PRICKLE1: variants seen among roughly 807,000 people sequenced by gnomAD.
PRICKLE1 encodes the protein prickle planar cell polarity protein 1, also known as prickle-like protein 1.
A neutral mutation model predicts 70.2 loss-of-function variants in PRICKLE1; 14 were observed. The observed-to-expected ratio is 0.20, with a 90% CI of 0.13 to 0.31. PRICKLE1 has a LOEUF of 0.31. Among genes scored for constraint, PRICKLE1 ranks in the 10% least tolerant of loss-of-function variants. The pLI is 1.00. For synonymous variants in PRICKLE1, 357 were observed against 379.9 expected (o/e 0.94, Z 0.70); for missense variants, 821 against 1,026.2 (o/e 0.80, Z 2.73).
intron 1 of PRICKLE1, among the ~76,000 whole-genome samples, chr12:42,494,180 A>G (rs1462546893): frequency 2.0e-5 from 3 of 152,200 alleles, no homozygotes; most frequent in African/African-American, 7.2e-5. Context: ...GGAGCCACCA[A>G]TGTTGGTGGC....
intron 1 of PRICKLE1, among the ~76,000 whole-genome samples, chr12:42,519,088 T>A (rs955987683): frequency 6.6e-6 from 1 of 151,988 alleles, no homozygotes; most frequent in Non-Finnish European, 1.5e-5. Flanking sequence ...CCATCTGTAA[T>A]GCTGAAAAAT....
In PRICKLE1 at chr12:42,467,068, G is replaced by C. The variant is rs1938122846; in HGVS notation, c.589-688C>G. Among the ~76,000 whole-genome samples the C allele has an allele frequency of 2.0e-5, 3 of 152,060 alleles. No homozygotes were observed. The South Asian group carries it at 6.2e-4, about 32-fold the overall frequency. ...AATTTGAAAAACATTTTGGGACAGA[G>C]ACGGGGTCTCACCATGGGGTCTAGT... On this transcript the variant is annotated intron_variant, in intron 5 of 7. Transcript: ENST00000345127.
intron 1 of PRICKLE1, among the ~76,000 whole-genome samples, chr12:42,503,121 C>T (rs1266839449): frequency 6.6e-6 from 1 of 152,174 alleles, no homozygotes. Context: ...ATATTTTCAC[C>T]TAGGCCAAAG....
chr12:42,477,739 C>G (rs1038953147), intron 1 of PRICKLE1, among the ~76,000 whole-genome samples: 4 of 151,762 alleles, frequency 2.6e-5, no homozygotes, highest in Middle Eastern at 3.4e-3. Context: ...GTAAATCAGA[C>G]CTAATAGAAA....
intron 1 of PRICKLE1, among the ~76,000 whole-genome samples, chr12:42,548,352 G>GA (rs1327892417): frequency 6.6e-6 from 1 of 152,210 alleles, no homozygotes; most frequent in East Asian, 1.9e-4. Flanking sequence ...ATATGCAGTA[G>GA]AAAAAACCAT....
chr12:42,545,582 C>T (rs1446204612), intron 1 of PRICKLE1, among the ~76,000 whole-genome samples: 2 of 152,202 alleles, frequency 1.3e-5, no homozygotes, highest in Admixed American at 6.5e-5. Context: ...GGTGCGGTGG[C>T]TCACGCCTGT....
intron 1 of PRICKLE1, among the ~76,000 whole-genome samples, chr12:42,515,819 T>A (rs547832639): frequency 1.3e-5 from 2 of 152,320 alleles, no homozygotes; most frequent in South Asian, 4.1e-4. Flanking sequence ...CTACCTTTTA[T>A]GTTCCAGTAT....
At chr12:42,467,829 T>C (rs1482393209) in intron 5 of PRICKLE1, among the ~76,000 whole-genome samples, 1 of 152,132 alleles carries the variant, frequency 6.6e-6, no homozygotes, top group East Asian at 1.9e-4. Context: ...TAAATGAATG[T>C]ATAAAAATAA....
chr12:42,527,916 A>T (rs1220951685), intron 1 of PRICKLE1, among the ~76,000 whole-genome samples: 4 of 20,166 alleles, frequency 2.0e-4, no homozygotes, highest in Admixed American at 7.3e-4. Flanking sequence ...TACTCTTTAT[A>T]ATATATATAT....
At chr12:42,476,243 C>A (rs879526054) in intron 1 of PRICKLE1, among the ~76,000 whole-genome samples, 5 of 150,704 alleles carry the variant, frequency 3.3e-5, no homozygotes, top group Non-Finnish European at 7.4e-5. Context: ...AATGCAATGG[C>A]GCCATCTTGG....
At chr12:42,485,701 C>T (rs955415849) in intron 1 of PRICKLE1, among the ~76,000 whole-genome samples, 1 of 152,090 alleles carries the variant, frequency 6.6e-6, no homozygotes, top group Non-Finnish European at 1.5e-5. Context: ...CCAGGCAGAC[C>T]CTTTTTGGAA....
chr12:42,579,596 A>T (rs61641604), intron 1 of PRICKLE1, among the ~76,000 whole-genome samples: 7 of 152,230 alleles, frequency 4.6e-5, no homozygotes, highest in Non-Finnish European at 7.3e-5. Context: ...AGAATTTTCC[A>T]TTCTGAGACC....
At chr12:42,508,932 G>A (rs1239582283) in intron 1 of PRICKLE1, among the ~76,000 whole-genome samples, 1 of 152,144 alleles carries the variant, frequency 6.6e-6, no homozygotes, top group Admixed American at 6.5e-5. Flanking sequence ...ATAATTCTCT[G>A]ATTCCTTCAG....
chr12:42,464,159 G>C lies in PRICKLE1; in HGVS notation c.1639+236C>G, dbSNP rs1593105097. ...TTCTCTTGCCTCAGCCTCCCGAGTA[G>C]CTGGGATCACAGGCCCATGCCCAGC... is the stretch of plus-strand genomic sequence containing the variant. On this transcript the variant is annotated intron_variant, in intron 7 of 7. Transcript: ENST00000345127. This position sits in a 1 kb window ranked among gnomAD's most constrained non-coding sequence, Gnocchi z 4.2. Among the ~76,000 whole-genome samples, 2 of 152,032 alleles carry C rather than the reference G, an allele frequency of 1.3e-5. No homozygotes were observed. Among genetic ancestry groups the C allele is most frequent in the African/African-American group, 4.8e-5 (2 of 41,380 alleles).
At chr12:42,509,800 C>T (rs12810860) in intron 1 of PRICKLE1, among the ~76,000 whole-genome samples, 6,269 of 152,048 alleles carry the variant, frequency 0.041, 158 homozygotes, top group South Asian at 0.085. Flanking sequence ...CATGGCCCGG[C>T]GAGGTGGCTC....
At chr12:42,495,102 C>T (rs892161311) in intron 1 of PRICKLE1, among the ~76,000 whole-genome samples, 5 of 151,662 alleles carry the variant, frequency 3.3e-5, no homozygotes, top group African/African-American at 1.2e-4. Context: ...GGCGTGGTTG[C>T]TCATGCCTGT....
At chr12:42,483,005 C>CT (rs1938857852) in intron 1 of PRICKLE1, 1 of 152,310 alleles carries the variant, frequency 6.6e-6, no homozygotes, top group African/African-American at 2.4e-5. Flanking sequence ...CAGCCCCTCT[C>CT]TGCGTCCCCG....
At chr12:42,525,391 G>C (rs1244562265) in intron 1 of PRICKLE1, among the ~76,000 whole-genome samples, 2 of 152,188 alleles carry the variant, frequency 1.3e-5, no homozygotes, top group African/African-American at 2.4e-5. Context: ...AACCCAAGGA[G>C]AGGGTCGAGG....
At chr12:42,497,406 G>A (rs906894433) in intron 1 of PRICKLE1, among the ~76,000 whole-genome samples, 55 of 152,080 alleles carry the variant, frequency 3.6e-4, no homozygotes, top group Non-Finnish European at 6.5e-4. Context: ...AAAATTAGCA[G>A]GGCGTGGTGG....
Sources: allele counts gnomAD v4.1 joint callset (sites outside exome capture counted in the v4.1 genomes callset), GRCh38; gene constraint gnomAD v4.1.1; non-coding constraint Gnocchi (gnomAD v3.1); transcripts MANE v1.5; gene names NCBI Gene and HGNC (gene_info 2026-07-23, HGNC 2026-07-21).